Variants in KAT14 observed in about 807,000 individuals in gnomAD.
KAT14 encodes lysine acetyltransferase 14, also known as cysteine-rich protein 2-binding protein.
In KAT14, 66 loss-of-function variants were observed where a neutral mutation model predicts 78.4. The observed-to-expected ratio is 0.84, with a 90% CI of 0.69 to 1.03. The LOEUF (loss-of-function observed/expected upper bound fraction) is 1.03. KAT14 is among the 50% of genes least tolerant of loss of function. The pLI is 0.00. For missense variants in KAT14, 870 were observed against 972.5 expected (o/e 0.89, Z 1.40); for synonymous variants, 344 against 359.4 (o/e 0.96, Z 0.48).
chr20:18,176,949 A>C (rs1005420427), intron 7 of KAT14, among the ~76,000 whole-genome samples: 1 of 152,180 alleles, frequency 6.6e-6, no homozygotes, highest in Admixed American at 6.5e-5. Context: ...GGTTTACACT[A>C]GAGTGGGAAG....
chr20:18,160,933 G>A (rs1299786518), intron 5 of KAT14, among the ~76,000 whole-genome samples: 1 of 152,104 alleles, frequency 6.6e-6, no homozygotes, highest in East Asian at 1.9e-4. Flanking sequence ...CCAGTACTTT[G>A]GGAGGCCGAG....
chr20:18,158,620 G>A (rs1568667056), intron 4 of KAT14, among the ~76,000 whole-genome samples: 1 of 152,176 alleles, frequency 6.6e-6, no homozygotes, highest in Non-Finnish European at 1.5e-5. Flanking sequence ...TACTCCTCGG[G>A]TAAAATGAGG....
chr20:18,145,242 G>T lies in KAT14; in HGVS notation c.269G>T (p.Arg90Met). Residue 90 changes from arginine to methionine, a missense_variant, in exon 3 of 11, where the codon AGG (arginine) becomes ATG (methionine). Coordinates refer to ENST00000688188, the MANE Select transcript of KAT14 (RefSeq NM_001392073.1). ...CQKWIPASQL[R>M]EQLSYLKGDN... ...TTTGTTTTTCTCCTAGGTCAGCTGA[G>T]GGAACAGCTCAGTTACCTTAAGGGT... The T allele has an allele frequency of 6.2e-7, 1 of 1,613,992 alleles. No homozygotes were observed. Among genetic ancestry groups the T allele is most frequent in the Non-Finnish European group, 8.5e-7 (1 of 1,179,986 alleles).
intron 10 of KAT14, 151 bp downstream of exon 10, chr20:18,184,943 A>C: frequency 1.2e-6 from 1 of 801,492 alleles, no homozygotes; most frequent in Non-Finnish European, 1.8e-6. Flanking sequence ...ATCAGCATTC[A>C]TGAGGTTATC....
chr20:18,174,067 CATATA>C (rs2038948812), intron 7 of KAT14, among the ~76,000 whole-genome samples: 2 of 152,202 alleles, frequency 1.3e-5, no homozygotes, highest in Admixed American at 6.6e-5. Context: ...TAAATGGAGT[CATATA>C]ATATGTGGCC....
intron 4 of KAT14, among the ~76,000 whole-genome samples, chr20:18,154,318 T>A (rs753690522): frequency 2.0e-4 from 30 of 152,238 alleles, no homozygotes; most frequent in Non-Finnish European, 4.0e-4. Context: ...TTTACTTACT[T>A]ACTTATTTTT....
In KAT14 at chr20:18,142,354, A is replaced by G; in HGVS notation, c.-307A>G. On this transcript the variant is annotated 5_prime_UTR_variant, in exon 2 of 11. It removes an upstream start codon present in the reference 5' UTR. Transcript: ENST00000688188. ...TATTGGCAAAAGGATCTCAAAAATCATGACTTGAATGTGAAATATCTGTTG... is the reference window on the plus strand; with the variant it reads ...TATTGGCAAAAGGATCTCAAAAATCGTGACTTGAATGTGAAATATCTGTTG... The G allele has an allele frequency of 3.9e-6, 6 of 1,535,982 alleles. No individual in the cohort carries two copies. The highest frequency in any genetic ancestry group is 5.2e-6 in the Non-Finnish European group (6 of 1,146,000).
At chr20:18,143,165 G>A in intron 2 of KAT14, 1 of 1,224,750 alleles carries the variant, frequency 8.2e-7, no homozygotes, top group Non-Finnish European at 1.0e-6. Flanking sequence ...TGAGAAAATT[G>A]GAAATCCTGT....
intron 5 of KAT14, among the ~76,000 whole-genome samples, chr20:18,161,426 T>C (rs1423122021): frequency 1.3e-5 from 2 of 152,152 alleles, no homozygotes; most frequent in African/African-American, 2.4e-5. Context: ...CAGTATAACT[T>C]CTTTTTTCTC....
intron 3 of KAT14, among the ~76,000 whole-genome samples, chr20:18,146,785 CAA>C (rs2037843683): frequency 6.6e-6 from 1 of 151,408 alleles, no homozygotes; most frequent in Non-Finnish European, 1.5e-5. Flanking sequence ...GTTGAGGCTG[CAA>C]TGAGCTGTGA....
chr20:18,149,823 A>T (rs1054098456), intron 3 of KAT14, among the ~76,000 whole-genome samples: 1 of 152,058 alleles, frequency 6.6e-6, no homozygotes, highest in African/African-American at 2.4e-5. Context: ...GGTGGTGCGC[A>T]TCTGAGATCC....
chr20:18,141,039 T>TTTA (rs2037541695), intron 1 of KAT14, among the ~76,000 whole-genome samples: 1 of 24,234 alleles, frequency 4.1e-5, no homozygotes, highest in Non-Finnish European at 1.0e-4. Context: ...TTTTTTTTTT[T>TTTA]TTTTTTTATT....
chr20:18,150,585 C>T (rs2037995581), intron 3 of KAT14, among the ~76,000 whole-genome samples: 1 of 152,036 alleles, frequency 6.6e-6, no homozygotes, highest in African/African-American at 2.4e-5. Context: ...ATGTGTGGCA[C>T]CTAAGGATTA....
Position 18,187,337 on chromosome 20 carries a change from A to C in KAT14, c.2224A>C (p.Met742Leu). 6.2e-7 allele frequency: 1 copy of C among 1,614,108 alleles called. No homozygotes were observed. Among genetic ancestry groups the C allele is most frequent in the East Asian group, 2.2e-5 (1 of 44,878 alleles). The part of the protein sequence containing the change: ...TLHVSASNPA[M>L]LLYQKFGFKT... ...TCACGTCTCAGCAAGCAACCCCGCTATGCTACTGTACCAGAAGTTTGGATT... is the reference window on the plus strand; with the variant it reads ...TCACGTCTCAGCAAGCAACCCCGCTCTGCTACTGTACCAGAAGTTTGGATT... Residue 742 changes from methionine to leucine, a missense_variant, in exon 11 of 11, where the codon ATG becomes CTG. By Grantham distance (15) the Met-to-Leu change is conservative. Coordinates refer to ENST00000688188, the MANE Select transcript of KAT14 (RefSeq NM_001392073.1).
At chr20:18,143,877 G>C (rs2037709138) in intron 2 of KAT14, among the ~76,000 whole-genome samples, 1 of 152,108 alleles carries the variant, frequency 6.6e-6, no homozygotes, top group South Asian at 2.1e-4. Context: ...TGATCCATCC[G>C]CCTCGGCCTC....
chr20:18,167,062 G>C (rs1293817763), intron 7 of KAT14, among the ~76,000 whole-genome samples: 1 of 152,130 alleles, frequency 6.6e-6, no homozygotes, highest in African/African-American at 2.4e-5. Flanking sequence ...TCCCCTGTTA[G>C]TTCTCTAGAG....
At chr20:18,139,734 A>T (rs1460465593) in intron 1 of KAT14, among the ~76,000 whole-genome samples, 4 of 151,460 alleles carry the variant, frequency 2.6e-5, no homozygotes, top group East Asian at 3.9e-4. Context: ...TATTAATAGC[A>T]GTGGGAAAGA....
At chr20:18,157,052 A>G (rs1268069118) in intron 4 of KAT14, among the ~76,000 whole-genome samples, 2 of 152,182 alleles carry the variant, frequency 1.3e-5, no homozygotes, top group Non-Finnish European at 2.9e-5. Context: ...TAGATTTGCG[A>G]GGTCAGAGGA....
chr20:18,146,522 G>A (rs1025776663), intron 3 of KAT14, among the ~76,000 whole-genome samples: 3 of 152,128 alleles, frequency 2.0e-5, no homozygotes, highest in Non-Finnish European at 2.9e-5. Flanking sequence ...AGCTGGGTGC[G>A]GTGGCACATG....
Sources: gnomAD v4.1 joint callset for allele counts (sites outside exome capture counted in the v4.1 genomes callset) on GRCh38, gnomAD v4.1.1 for gene constraint, MANE v1.5 for transcripts, NCBI Gene and HGNC (gene_info 2026-07-23, HGNC 2026-07-21) for gene names.